Variants in RASA2 observed in about 807,000 individuals in gnomAD.
RASA2 encodes ras GTPase-activating protein 2.
RASA2 carries 155 observed loss-of-function variants against 118.2 expected under a neutral mutation model. The ratio of observed to expected loss-of-function variants is 1.31; its 90% CI spans 1.15 to 1.50. RASA2 has a LOEUF of 1.50. Ranked by LOEUF, RASA2 falls within the 40% of genes most tolerant of loss-of-function variation. The pLI is 0.00. For missense variants in RASA2, 1,016 were observed against 1,009.6 expected, an observed-to-expected ratio of 1.01 and a Z score of -0.09; for synonymous variants, 353 against 349.1, an observed-to-expected ratio of 1.01 and a Z score of -0.12.
At chr3:141,517,715 G>A (rs953122365) in intron 3 of RASA2, among the ~76,000 whole-genome samples, 12 of 151,966 alleles carry the variant, frequency 7.9e-5, no homozygotes, top group African/African-American at 2.7e-4. Flanking sequence ...GTTCAGTGGC[G>A]CGATCTCAGC....
At chr3:141,547,934 G>C (rs2082511331) in intron 5 of RASA2, among the ~76,000 whole-genome samples, 1 of 152,112 alleles carries the variant, frequency 6.6e-6, no homozygotes, top group African/African-American at 2.4e-5. Context: ...GGCATCAGTT[G>C]AAATGATCAT....
At chr3:141,533,164 T>G (rs1037130871) in intron 4 of RASA2, among the ~76,000 whole-genome samples, 4 of 152,192 alleles carry the variant, frequency 2.6e-5, no homozygotes, top group Non-Finnish European at 5.9e-5. Context: ...CTCCAACATC[T>G]GACTCAGTTT....
chr3:141,513,898 A>G (rs991198805), intron 2 of RASA2, among the ~76,000 whole-genome samples: 9 of 151,846 alleles, frequency 5.9e-5, no homozygotes, highest in South Asian at 2.1e-4. Context: ...AAAAGAAACT[A>G]TCATTTCAGA....
At chr3:141,527,088 A>G (rs1402681105) in intron 3 of RASA2, among the ~76,000 whole-genome samples, 1 of 152,200 alleles carries the variant, frequency 6.6e-6, no homozygotes. Context: ...AAGCCTGGAA[A>G]TCAAATCAGC....
At chr3:141,553,604 G>T (rs1024230146) in intron 5 of RASA2, among the ~76,000 whole-genome samples, 8 of 152,064 alleles carry the variant, frequency 5.3e-5, no homozygotes, top group Admixed American at 5.2e-4. Context: ...GTCTGTGTTT[G>T]ATAGTTTCAT....
chr3:141,560,549 C>G (rs767744006), intron 9 of RASA2, among the ~76,000 whole-genome samples: 2 of 152,116 alleles, frequency 1.3e-5, no homozygotes, highest in Non-Finnish European at 2.9e-5. Flanking sequence ...TCAATAATGA[C>G]TATAATATTA....
chr3:141,609,975 A>AT lies in RASA2; in HGVS notation c.2430dup (p.Gln811SerfsTer8), dbSNP rs778361072. Reference sequence around the variant, plus strand: ...GGATTCTGTAACAACCTTTAAGACAATTCAGCAAATAAAAAGCATAATTGA... The same window carrying AT: ...GGATTCTGTAACAACCTTTAAGACAATTTCAGCAAATAAAAAGCATAATTGA... On this transcript the variant is annotated frameshift_variant, in exon 23 of 24. Transcript: ENST00000286364. LOFTEE classifies it high-confidence loss of function. 1.2e-6 allele frequency: 2 copies of AT among 1,606,060 alleles called. No individual in the cohort carries two copies. The highest frequency in any genetic ancestry group is 1.7e-6 in the Non-Finnish European group (2 of 1,176,262).
intron 3 of RASA2, among the ~76,000 whole-genome samples, chr3:141,524,104 A>G (rs937727969): frequency 9.2e-5 from 14 of 152,080 alleles, no homozygotes; most frequent in African/African-American, 3.4e-4. Flanking sequence ...TTTACTCATG[A>G]TCCTATTGTT....
intron 19 of RASA2, among the ~76,000 whole-genome samples, chr3:141,603,692 A>G (rs565582386): frequency 6.6e-6 from 1 of 152,320 alleles, no homozygotes; most frequent in African/African-American, 2.4e-5. Context: ...CACTAATTCC[A>G]AAGCATTTTC....
chr3:141,578,841 A>G (rs1052469257), intron 15 of RASA2: 1 of 152,158 alleles, frequency 6.6e-6, no homozygotes, highest in East Asian at 1.9e-4. Context: ...TGACTTTGCT[A>G]TTGTAAATAG....
intron 5 of RASA2, among the ~76,000 whole-genome samples, chr3:141,550,376 A>G (rs2082555828): frequency 6.6e-6 from 1 of 152,244 alleles, no homozygotes; most frequent in Admixed American, 6.5e-5. Context: ...AATACTGGCA[A>G]GATCACGGGG....
At chr3:141,538,221 T>G (rs1212954908) in intron 4 of RASA2, among the ~76,000 whole-genome samples, 1 of 152,186 alleles carries the variant, frequency 6.6e-6, no homozygotes, top group Non-Finnish European at 1.5e-5. Flanking sequence ...AAAAGTATTC[T>G]AAAATGTTCA....
chr3:141,527,983 C>T (rs1006974922), intron 3 of RASA2, among the ~76,000 whole-genome samples: 9 of 151,888 alleles, frequency 5.9e-5, no homozygotes, highest in African/African-American at 2.2e-4. Context: ...AGATTTTGAT[C>T]TTCAATTACA....
At chr3:141,602,832 G>T (rs1212106600) in intron 19 of RASA2, among the ~76,000 whole-genome samples, 1 of 152,150 alleles carries the variant, frequency 6.6e-6, no homozygotes, top group Non-Finnish European at 1.5e-5. Context: ...GCAAATTGAC[G>T]TCTCCCCAGG....
chr3:141,572,055 TATATATACAC>T (rs1362899327), intron 11 of RASA2, among the ~76,000 whole-genome samples: 4,501 of 134,826 alleles, frequency 0.033, 223 homozygotes, highest in African/African-American at 0.12. Flanking sequence ...TATATATATA[TATATATACAC>T]ACACACACAC....
chr3:141,599,856 A>C (rs2083437295), intron 19 of RASA2, among the ~76,000 whole-genome samples: 2 of 152,204 alleles, frequency 1.3e-5, no homozygotes, highest in Non-Finnish European at 2.9e-5. Flanking sequence ...CTCGAAGAGT[A>C]AGGGAGGGAA....
intron 1 of RASA2, among the ~76,000 whole-genome samples, chr3:141,504,231 A>G (rs913745532): frequency 4.6e-5 from 7 of 152,128 alleles, no homozygotes; most frequent in Non-Finnish European, 8.8e-5. Flanking sequence ...TTTCTTTTCT[A>G]TATTTGCTCC....
intron 5 of RASA2, among the ~76,000 whole-genome samples, chr3:141,550,267 G>A (rs2082553448): frequency 6.6e-6 from 1 of 152,138 alleles, no homozygotes; most frequent in Admixed American, 6.5e-5. Context: ...TTCCCAATAG[G>A]ATGCATTGAG....
intron 2 of RASA2, among the ~76,000 whole-genome samples, chr3:141,513,398 C>T (rs1317082942): frequency 6.6e-6 from 1 of 151,964 alleles, no homozygotes; most frequent in Admixed American, 6.6e-5. Context: ...TCTTAATTCT[C>T]ATATTGTTCT....
Sources: allele counts gnomAD v4.1 joint callset (sites outside exome capture counted in the v4.1 genomes callset), GRCh38; gene constraint gnomAD v4.1.1; transcripts MANE v1.5; gene names NCBI Gene and HGNC (gene_info 2026-07-23, HGNC 2026-07-21).